The following AFG2A variants were observed in gnomAD, a reference collection of about 807,000 sequenced individuals.
AFG2A encodes the protein ATPase family gene 2 protein homolog A.
At chr4:123,139,725 C>CA in the AFG2A span, among the ~76,000 whole-genome samples, 3 of 151,994 alleles carry the variant, frequency 2.0e-5, no homozygotes, top group Non-Finnish European at 4.4e-5. Flanking sequence ...TGTTGCATTA[C>CA]ATGCTTTACA....
the AFG2A span, among the ~76,000 whole-genome samples, chr4:123,013,316 A>G: frequency 3.3e-5 from 5 of 152,224 alleles, no homozygotes; most frequent in Non-Finnish European, 5.9e-5. Flanking sequence ...TGCAGGTCAC[A>G]GGGGATATGA....
At chr4:123,241,188 A>C in the AFG2A span, among the ~76,000 whole-genome samples, 1 of 152,192 alleles carries the variant, frequency 6.6e-6, no homozygotes, top group South Asian at 2.1e-4. Flanking sequence ...TTCACAGCCA[A>C]ATTCTACCAT....
chr4:123,272,309 A>C, the AFG2A span, among the ~76,000 whole-genome samples: 3 of 152,122 alleles, frequency 2.0e-5, no homozygotes, highest in Non-Finnish European at 2.9e-5. Context: ...AAATGTACAC[A>C]AAAGTCCATT....
At chr4:123,118,319 T>TATTATATATAATTAC in the AFG2A span, among the ~76,000 whole-genome samples, 2 of 102,718 alleles carry the variant, frequency 1.9e-5, no homozygotes, top group South Asian at 7.3e-4. Context: ...ATATAATATA[T>TATTATATATAATTAC]ATTATATATA....
chr4:123,233,776 C>T, the AFG2A span, among the ~76,000 whole-genome samples: 4 of 151,594 alleles, frequency 2.6e-5, no homozygotes, highest in African/African-American at 9.7e-5. Context: ...TTTATGTATA[C>T]ATATATACCT....
the AFG2A span, among the ~76,000 whole-genome samples, chr4:123,086,523 C>T: frequency 6.6e-6 from 1 of 152,096 alleles, no homozygotes; most frequent in Non-Finnish European, 1.5e-5. Flanking sequence ...ATTTATTCTG[C>T]TCAGTGTTCA....
the AFG2A span, among the ~76,000 whole-genome samples, chr4:123,287,693 G>A: frequency 2.0e-5 from 3 of 151,954 alleles, no homozygotes; most frequent in African/African-American, 4.8e-5. Flanking sequence ...TATTAGCAAC[G>A]AAAATAAAGA....
chr4:122,952,294 A>AGG, the AFG2A span, among the ~76,000 whole-genome samples: 1 of 152,106 alleles, frequency 6.6e-6, no homozygotes, highest in African/African-American at 2.4e-5. Context: ...TCTAGTTCAC[A>AGG]GGCTGTCTCT....
chr4:123,210,675 ATTTCT>A, the AFG2A span, among the ~76,000 whole-genome samples: 3,788 of 152,068 alleles, frequency 0.025, 153 homozygotes, highest in African/African-American at 0.086. Context: ...TGATATACTG[ATTTCT>A]TTTCTTTTCT....
chr4:122,945,222 C>T, the AFG2A span, among the ~76,000 whole-genome samples: 1 of 152,212 alleles, frequency 6.6e-6, no homozygotes, highest in African/African-American at 2.4e-5. Context: ...TTTTGTTTGT[C>T]TGTGCCCTGC....
chr4:123,315,535 A>G, the AFG2A span: 21 of 151,920 alleles, frequency 1.4e-4, no homozygotes, highest in African/African-American at 5.1e-4. Context: ...CATTCTAAAT[A>G]TGTATATTTA....
chr4:123,024,033 G>A, the AFG2A span, among the ~76,000 whole-genome samples: 4 of 151,828 alleles, frequency 2.6e-5, no homozygotes, highest in Admixed American at 6.6e-5. Context: ...GAATTCTGTA[G>A]TCATCAGTAA....
chr4:122,943,803 CT>C, the AFG2A span, among the ~76,000 whole-genome samples: 4 of 152,104 alleles, frequency 2.6e-5, no homozygotes, highest in South Asian at 6.2e-4. Flanking sequence ...TTAGTGTTTC[CT>C]TCAGGAGCTC....
At chr4:123,068,770 A>T in the AFG2A span, among the ~76,000 whole-genome samples, 1 of 152,108 alleles carries the variant, frequency 6.6e-6, no homozygotes, top group South Asian at 2.1e-4. Flanking sequence ...ACTCAGAGAA[A>T]CTAGAGATTA....
the AFG2A span, among the ~76,000 whole-genome samples, chr4:123,019,140 C>A: frequency 6.6e-6 from 1 of 151,986 alleles, no homozygotes; most frequent in African/African-American, 2.4e-5. Context: ...TTAACATATG[C>A]TCTCCTGTTT....
the AFG2A span, among the ~76,000 whole-genome samples, chr4:123,154,908 T>C: frequency 6.6e-6 from 1 of 152,120 alleles, no homozygotes; most frequent in Non-Finnish European, 1.5e-5. Flanking sequence ...TGACAAACAT[T>C]AGAAAATCTG....
the AFG2A span, among the ~76,000 whole-genome samples, chr4:122,979,949 G>A: frequency 3.3e-5 from 5 of 152,032 alleles, no homozygotes; most frequent in African/African-American, 1.2e-4. Context: ...CTAAAACCAG[G>A]ATACCCCTAT....
the AFG2A span, among the ~76,000 whole-genome samples, chr4:123,247,451 G>T: frequency 6.6e-6 from 1 of 152,024 alleles, no homozygotes; most frequent in Non-Finnish European, 1.5e-5. Flanking sequence ...TTGAGACAGG[G>T]TCTCACCCTG....
At chr4:123,153,662 A>G in the AFG2A span, among the ~76,000 whole-genome samples, 1 of 152,210 alleles carries the variant, frequency 6.6e-6, no homozygotes, top group Admixed American at 6.5e-5. Context: ...AAAAATACCA[A>G]TGCAACATGT....
Sources: gnomAD v4.1 joint callset for allele counts (sites outside exome capture counted in the v4.1 genomes callset) on GRCh38, gnomAD v4.1.1 for gene constraint, MANE v1.5 for transcripts, NCBI Gene and HGNC (gene_info 2026-07-23, HGNC 2026-07-21) for gene names.